Variants in MYADML2 observed in about 807,000 individuals in gnomAD.
MYADML2 encodes myeloid associated differentiation marker like 2, also known as myeloid-associated differentiation marker-like protein 2.
MYADML2 carries 17 observed loss-of-function variants against 16.0 expected under a neutral mutation model. The observed-to-expected ratio is 1.06, with a 90% CI of 0.73 to 1.60. The LOEUF (loss-of-function observed/expected upper bound fraction) is 1.60. Among genes scored for constraint, MYADML2 ranks in the 40% most tolerant of loss-of-function variants. The pLI is 0.00. For missense variants in MYADML2, 422 were observed against 437.7 expected, an observed-to-expected ratio of 0.96 and a Z score of 0.32; for synonymous variants, 210 against 208.1, an observed-to-expected ratio of 1.01 and a Z score of -0.08.
rs1185157246 is a variant in MYADML2, at chr17:81,945,465, G to A, written c.-181+1594C>T. 5.9e-5 allele frequency among the ~76,000 whole-genome samples: 9 copies of A among 152,142 alleles called. No individual in the cohort carries two copies. The East Asian group carries it at 1.4e-3, about 23-fold the overall frequency. ...GAGGCAGGAGAATGGCGTGAACCCGGGAGGCAGAGCTTGCAGTGAGCCAAG... is the reference window on the plus strand; with the variant it reads ...GAGGCAGGAGAATGGCGTGAACCCGAGAGGCAGAGCTTGCAGTGAGCCAAG... On this transcript the variant is annotated intron_variant, in intron 1 of 2. Coordinates refer to ENST00000409745, the MANE Select transcript of MYADML2 (RefSeq NM_001145113.3).
chr17:81,946,216 G>T (rs982120442), intron 1 of MYADML2, among the ~76,000 whole-genome samples: 1 of 151,932 alleles, frequency 6.6e-6, no homozygotes, highest in Non-Finnish European at 1.5e-5. Context: ...TTAGCCGGGC[G>T]TGGTGGTGGG....
At chr17:81,946,865 T>C (rs1334979788) in intron 1 of MYADML2, among the ~76,000 whole-genome samples, 194 bp downstream of exon 1, 1 of 151,888 alleles carries the variant, frequency 6.6e-6, no homozygotes, top group Non-Finnish European at 1.5e-5. Flanking sequence ...TAATCCCAGC[T>C]ACTCCAGAGG....
rs1352722884 is a variant in MYADML2 at position 81,940,790 on chromosome 17, G to C, written c.*28C>G. The stretch of plus-strand genomic sequence containing the variant: ...AGAGCCTGGAGCTGGTGGCCAGAGA[G>C]CAGAGGTGGGTGGGCTGCCACTGTG... On this transcript the variant is annotated 3_prime_UTR_variant, in exon 3 of 3. Coordinates refer to ENST00000409745, the MANE Select transcript of MYADML2 (RefSeq NM_001145113.3). 6.8e-7 allele frequency: 1 copy of C among 1,478,886 alleles called. No individual in the cohort carries two copies. The highest frequency in any genetic ancestry group is 1.4e-5 in the South Asian group (1 of 73,366). 91.6% of individuals were successfully genotyped at this position (1,478,886 alleles called of 1,614,324 possible).
chr17:81,940,567 A>G lies in MYADML2; in HGVS notation c.*251T>C, dbSNP rs1056971726. On this transcript the variant is annotated 3_prime_UTR_variant, in exon 3 of 3. Coordinates refer to ENST00000409745, the MANE Select transcript of MYADML2 (RefSeq NM_001145113.3). The stretch of plus-strand genomic sequence containing the variant: ...GGAGCGCTGGGAAATGGTGAGAGAG[A>G]GTGAGTTGGGGATTGGCCTAGGTGA... 2 of 468,894 alleles carry G rather than the reference A, an allele frequency of 4.3e-6. No individual in the cohort carries two copies. Among genetic ancestry groups the G allele is most frequent in the African/African-American group, 3.8e-5 (2 of 52,222 alleles). 29.0% of individuals were successfully genotyped at this position (468,894 alleles called of 1,614,324 possible).
intron 2 of MYADML2, 93 bp from the exon 3 acceptor site, chr17:81,941,936 C>A (rs1385659338): frequency 1.3e-5 from 7 of 537,148 alleles, no homozygotes; most frequent in Non-Finnish European, 2.3e-5. Context: ...AATAGACAGC[C>A]GTGATCAGAG....
In MYADML2 at chr17:81,941,051, C is replaced by G. The variant is rs1472588595; in HGVS notation, c.691G>C (p.Val231Leu). Residue 231 changes from valine (V) to leucine (L), a missense_variant, in exon 3 of 3, where the codon GTG becomes CTG. By Grantham distance (32) the Val-to-Leu change is conservative. Transcript: ENST00000409745. Reference sequence around the variant, plus strand: ...ACAGCCAGGAAGGTGTACACCACCACCAGCCGGTCAAAGGGGCAGCCCAGG... The same window carrying G: ...ACAGCCAGGAAGGTGTACACCACCAGCAGCCGGTCAAAGGGGCAGCCCAGG... ...GGLGCPFDRL[V>L]VVYTFLAVLL... is the part of the protein sequence containing the mutation. 2 of 1,550,454 alleles carry G rather than the reference C, an allele frequency of 1.3e-6. No individual in the cohort carries two copies. Among genetic ancestry groups the G allele is most frequent in the African/African-American group, 1.4e-5 (1 of 73,172 alleles).
In MYADML2 at chr17:81,941,349, G is replaced by A; in HGVS notation, c.393C>T (p.Ala131=). 6.5e-7 allele frequency: 1 copy of A among 1,548,818 alleles called. No homozygotes were observed. The highest frequency in any genetic ancestry group is 1.2e-5 in the South Asian group (1 of 83,998). ...GCAARDFRLA[A]SVFAGLLFLA... Reference sequence around the variant, plus strand: ...GGAAGAGGAGCCCGGCGAAGACACTGGCTGCCAGGCGGAAGTCCCTGGCAG... The same window carrying A: ...GGAAGAGGAGCCCGGCGAAGACACTAGCTGCCAGGCGGAAGTCCCTGGCAG... The change falls in exon 3 of 3, where the codon GCC becomes GCT. Residue 131 remains alanine (A), a synonymous_variant. Coordinates refer to ENST00000409745, the MANE Select transcript of MYADML2 (RefSeq NM_001145113.3).
rs111803467 is a variant in MYADML2, at chr17:81,943,074, CT to C, written c.-180-702del. Among the ~76,000 whole-genome samples the C allele has an allele frequency of 1.6e-3, 235 of 145,910 alleles. 1 individual carries two copies. The highest frequency in any genetic ancestry group is 7.1e-3 in the Middle Eastern group (2 of 282). On this transcript the variant is annotated intron_variant, in intron 1 of 2. Transcript: ENST00000409745. The stretch of plus-strand genomic sequence containing the variant: ...TTTTTAAAAAGGAAAAAAATGATAT[CT>C]TTTTTTTTTTTTGAGACGGAGTCTT...
Position 81,941,025 on chromosome 17 carries a change from C to T in MYADML2, c.717G>A (p.Val239=), listed in dbSNP as rs2041298055. 6.5e-7 allele frequency: 1 copy of T among 1,550,338 alleles called. No individual in the cohort carries two copies. Among genetic ancestry groups the T allele is most frequent in the South Asian group, 1.2e-5 (1 of 84,068 alleles). ...RLVVVYTFLA[V]LLYLSAAVIW... ...TCACGGCGGCGCTGAGGTACAGGAG[C>T]ACAGCCAGGAAGGTGTACACCACCA... Residue 239 remains valine, a synonymous_variant, in exon 3 of 3, where the codon GTG becomes GTA. Coordinates refer to ENST00000409745, the MANE Select transcript of MYADML2 (RefSeq NM_001145113.3).
Position 81,940,737 on chromosome 17 carries a change from C to T in MYADML2, c.*81G>A, listed in dbSNP as rs888808542. On this transcript the variant is annotated 3_prime_UTR_variant, in exon 3 of 3. Transcript: ENST00000409745. ...GGCTTCCCTCCTGCTCGCTACTTGACACTTTGGTTCACCTGAGTTTCCCTC... is the reference window on the plus strand; with the variant it reads ...GGCTTCCCTCCTGCTCGCTACTTGATACTTTGGTTCACCTGAGTTTCCCTC... The T allele has an allele frequency of 1.1e-5, 16 of 1,409,660 alleles. No homozygotes were observed. Among genetic ancestry groups the T allele is most frequent in the African/African-American group, 1.5e-5 (1 of 68,918 alleles). The allele number at this position is 1,409,660 out of a possible 1,614,324, so 87.3% of individuals were successfully genotyped here.
At chr17:81,945,162 A>G (rs2041333915) in intron 1 of MYADML2, among the ~76,000 whole-genome samples, 1 of 151,912 alleles carries the variant, frequency 6.6e-6, no homozygotes, top group Non-Finnish European at 1.5e-5. Context: ...GCACTTTGGG[A>G]GGCCGAGGCA....
rs1263656856 is a variant in MYADML2 at position 81,940,900 on chromosome 17, G to C, written c.842C>G (p.Ala281Gly). 3.2e-6 allele frequency: 5 copies of C among 1,547,648 alleles called. No homozygotes were observed. The highest frequency in any genetic ancestry group is 4.4e-6 in the Non-Finnish European group (5 of 1,144,742). The change falls in exon 3 of 3, where the codon GCC (alanine) becomes GGC (glycine). Residue 281 changes from alanine (A) to glycine (G), a missense_variant. Coordinates refer to ENST00000409745, the MANE Select transcript of MYADML2 (RefSeq NM_001145113.3). ...SCPWDSQLVVAIFTYVNLLLY... is the reference protein window; with the variant it reads ...SCPWDSQLVVGIFTYVNLLLY... ...GAGCAGGTTGACGTAGGTGAAGATGGCCACCACCAGCTGGCTGTCCCAGGG... is the reference window on the plus strand; with the variant it reads ...GAGCAGGTTGACGTAGGTGAAGATGCCCACCACCAGCTGGCTGTCCCAGGG...
rs1465368281 is a variant in MYADML2, at chr17:81,940,552, G to A, written c.*266C>T. ...CAGCACTGAGCCCCAGGAGCGCTGGGAAATGGTGAGAGAGAGTGAGTTGGG... is the reference window on the plus strand; with the variant it reads ...CAGCACTGAGCCCCAGGAGCGCTGGAAAATGGTGAGAGAGAGTGAGTTGGG... On this transcript the variant is annotated 3_prime_UTR_variant, in exon 3 of 3. Coordinates refer to ENST00000409745, the MANE Select transcript of MYADML2 (RefSeq NM_001145113.3). 4 of 450,770 alleles carry A rather than the reference G, an allele frequency of 8.9e-6. No individual in the cohort carries two copies. The highest frequency in any genetic ancestry group is 1.6e-5 in the Non-Finnish European group (4 of 252,294). 27.9% of individuals were successfully genotyped at this position (450,770 alleles called of 1,614,324 possible).
chr17:81,941,390 C>T lies in MYADML2; in HGVS notation c.352G>A (p.Glu118Lys), dbSNP rs939084915. Residue 118 changes from glutamate to lysine, a missense_variant, in exon 3 of 3, where the codon GAG becomes AAG. Transcript: ENST00000409745. ...LYFARRECSPEPAGCAARDFR... is the reference protein window; with the variant it reads ...LYFARRECSPKPAGCAARDFR... ...TCCCTGGCAGCACAGCCGGCGGGCT[C>T]GGGGGAACACTCCCGCCGGGCAAAG... 3.2e-6 allele frequency: 5 copies of T among 1,548,800 alleles called. No individual in the cohort carries two copies. Among genetic ancestry groups the T allele is most frequent in the East Asian group, 2.4e-5 (1 of 40,900 alleles).
Position 81,940,690 on chromosome 17 carries a change from A to AT in MYADML2, c.*127_*128insA. 1 of 1,033,112 alleles carries AT rather than the reference A, an allele frequency of 9.7e-7. No individual in the cohort carries two copies. Among genetic ancestry groups the AT allele is most frequent in the Non-Finnish European group, 1.4e-6 (1 of 727,330 alleles). 64.0% of individuals were successfully genotyped at this position (1,033,112 alleles called of 1,614,324 possible). A position where few individuals can be genotyped will look rare whatever the true frequency, so the allele number is the denominator to read the frequency against. On this transcript the variant is annotated 3_prime_UTR_variant, in exon 3 of 3. Coordinates refer to ENST00000409745, the MANE Select transcript of MYADML2 (RefSeq NM_001145113.3). ...GTCGGGGAGTGACCTCTCCCGTTGT[A>AT]CTTCATCTCCCCTGAGCCCGCGGCT...
rs1267175300 is a variant in MYADML2, at chr17:81,945,311, G to A, written c.-181+1748C>T. Among the ~76,000 whole-genome samples, 5 of 152,084 alleles carry A rather than the reference G, an allele frequency of 3.3e-5. No homozygotes were observed. In the East Asian group the frequency reaches 9.7e-4, roughly 29 times the overall value. Reference sequence around the variant, plus strand: ...TCCCAGCACTTTGGGAGGCCAAGGTGGGCGGATCACGAGGTCAGGAGATCG... The same window carrying A: ...TCCCAGCACTTTGGGAGGCCAAGGTAGGCGGATCACGAGGTCAGGAGATCG... On this transcript the variant is annotated intron_variant, in intron 1 of 2. Transcript: ENST00000409745.
In MYADML2 at chr17:81,941,112, G is replaced by A. The variant is rs758676686; in HGVS notation, c.630C>T (p.Ala210=). 9 of 1,550,144 alleles carry A rather than the reference G, an allele frequency of 5.8e-6. No individual in the cohort carries two copies. Among genetic ancestry groups the A allele is most frequent in the Admixed American group, 3.9e-5 (2 of 50,984 alleles). ...VYSLCFLATV[A]VVALSVMGHT... is the part of the protein sequence containing the mutation. ...GGCCCATCACACTCAGGGCCACCAC[G>A]GCCACTGTGGCCAGGAAGCACAGGC... Residue 210 remains alanine (A), a synonymous_variant, in exon 3 of 3, where the codon GCC becomes GCT. Coordinates refer to ENST00000409745, the MANE Select transcript of MYADML2 (RefSeq NM_001145113.3).
At position 81,941,478 on chromosome 17, in the gene MYADML2, G is replaced by C. The variant is rs536536456; in HGVS notation, c.264C>G (p.Thr88=). 3.2e-5 allele frequency: 49 copies of C among 1,548,868 alleles called. No individual in the cohort carries two copies. The Admixed American group carries it at 6.5e-4, about 20-fold the overall frequency. The change falls in exon 3 of 3, where the codon ACC becomes ACG. Residue 88 remains threonine, a synonymous_variant. Coordinates refer to ENST00000409745, the MANE Select transcript of MYADML2 (RefSeq NM_001145113.3). ...GGGTGGCCAGCATGGCGAAGGCGGC[G>C]GTGAAGTTGCCCCAGGAGAGCCGCA... is the stretch of plus-strand genomic sequence containing the variant. ...GCLRLSWGNF[T]AAFAMLATLL... is the part of the protein sequence containing the mutation.
At position 81,942,016 on chromosome 17, in the gene MYADML2, C is replaced by T. The variant is rs1383972340; in HGVS notation, c.-102-173G>A. The T allele has an allele frequency of 5.0e-6, 2 of 400,950 alleles. No individual in the cohort carries two copies. The highest frequency in any genetic ancestry group is 8.0e-5 in the Admixed American group (2 of 24,848). 24.8% of individuals were successfully genotyped at this position (400,950 alleles called of 1,614,324 possible). A position where few individuals can be genotyped will look rare whatever the true frequency, so the allele number is the denominator to read the frequency against. On this transcript the variant is annotated intron_variant, in intron 2 of 2. Coordinates refer to ENST00000409745, the MANE Select transcript of MYADML2 (RefSeq NM_001145113.3). This position sits in a 1 kb window ranked among gnomAD's most constrained non-coding sequence, Gnocchi z 4.4. ...ATCTGACCCCTGGTCCCCTGTGGAG[C>T]CCCTGCCGGGACCATTAACCCATTG...
Sources: allele counts gnomAD v4.1 joint callset (sites outside exome capture counted in the v4.1 genomes callset), GRCh38; gene constraint gnomAD v4.1.1; non-coding constraint Gnocchi (gnomAD v3.1); transcripts MANE v1.5; gene names NCBI Gene and HGNC (gene_info 2026-07-23, HGNC 2026-07-21).